Variants in IMMP2L observed in about 807,000 individuals in gnomAD.
The protein encoded by IMMP2L is inner mitochondrial membrane peptidase subunit 2.
In IMMP2L, 18 loss-of-function variants were observed where a neutral mutation model predicts 19.3. The observed-to-expected ratio is 0.93, with a 90% CI of 0.64 to 1.38. The LOEUF is 1.38. Ranked by LOEUF, IMMP2L falls within the 40% of genes most tolerant of loss-of-function variation. The pLI, the probability that IMMP2L is intolerant of heterozygous loss-of-function variation, is 0.00. For synonymous variants in IMMP2L, 76 were observed against 73.0 expected, an observed-to-expected ratio of 1.04 and a Z score of -0.21; for missense variants, 233 against 218.2, an observed-to-expected ratio of 1.07 and a Z score of -0.43.
chr7:111,162,675 A>G (rs779762209), intron 3 of IMMP2L, among the ~76,000 whole-genome samples: 4 of 148,678 alleles, frequency 2.7e-5, no homozygotes, highest in Non-Finnish European at 4.5e-5. Flanking sequence ...GCCAAGCCCC[A>G]TTGTTAGATA....
At chr7:111,474,698 T>C (rs1421004419) in intron 3 of IMMP2L, among the ~76,000 whole-genome samples, 1 of 152,088 alleles carries the variant, frequency 6.6e-6, no homozygotes, top group Non-Finnish European at 1.5e-5. Flanking sequence ...ATTACAAACC[T>C]TTTTTGCCAA....
intron 4 of IMMP2L, among the ~76,000 whole-genome samples, chr7:110,952,469 T>A (rs1817932189): frequency 6.6e-6 from 1 of 152,138 alleles, no homozygotes; most frequent in South Asian, 2.1e-4. Context: ...GTGATCTGCT[T>A]CCTGCTAGGA....
At chr7:111,219,376 A>G (rs2129620258) in intron 3 of IMMP2L, among the ~76,000 whole-genome samples, 1 of 152,116 alleles carries the variant, frequency 6.6e-6, no homozygotes. Flanking sequence ...CTAATAAACC[A>G]GAATCTCTGG....
At chr7:110,944,407 A>C (rs1817027936) in intron 4 of IMMP2L, among the ~76,000 whole-genome samples, 1 of 150,384 alleles carries the variant, frequency 6.6e-6, no homozygotes, top group Non-Finnish European at 1.5e-5. Context: ...GATAAGCATG[A>C]AAGTATTTTT....
intron 5 of IMMP2L, among the ~76,000 whole-genome samples, chr7:110,692,194 T>C (rs1203362412): frequency 6.6e-6 from 1 of 152,168 alleles, no homozygotes; most frequent in African/African-American, 2.4e-5. Flanking sequence ...GCAACTTGGA[T>C]GAAGCTGAAG....
chr7:111,417,149 T>C (rs181027814), intron 3 of IMMP2L, among the ~76,000 whole-genome samples: 5 of 151,884 alleles, frequency 3.3e-5, no homozygotes, highest in Non-Finnish European at 2.9e-5. Context: ...ACCATAAAAC[T>C]CATCATAAAG....
At chr7:110,894,746 C>T (rs951575838) in intron 4 of IMMP2L, among the ~76,000 whole-genome samples, 1 of 151,996 alleles carries the variant, frequency 6.6e-6, no homozygotes, top group African/African-American at 2.4e-5. Flanking sequence ...TTTTAAAATA[C>T]ATGTTTTTCA....
At chr7:111,010,202 T>C (rs960481315) in intron 3 of IMMP2L, among the ~76,000 whole-genome samples, 2 of 152,146 alleles carry the variant, frequency 1.3e-5, no homozygotes, top group African/African-American at 4.8e-5. Context: ...CTTTCTTAGT[T>C]ATATCTCATT....
At chr7:110,715,231 T>G (rs1420613018) in intron 5 of IMMP2L, among the ~76,000 whole-genome samples, 11 of 152,196 alleles carry the variant, frequency 7.2e-5, no homozygotes, top group Admixed American at 6.5e-4. Context: ...CTTTTGGTTT[T>G]GTGAATTCTT....
intron 3 of IMMP2L, among the ~76,000 whole-genome samples, chr7:111,315,233 A>G (rs1286483209): frequency 6.6e-6 from 1 of 152,144 alleles, no homozygotes; most frequent in Non-Finnish European, 1.5e-5. Flanking sequence ...TTTTATTGAT[A>G]TGAAAAATTT....
intron 3 of IMMP2L, among the ~76,000 whole-genome samples, chr7:111,132,849 T>G (rs562960521): frequency 6.6e-6 from 1 of 152,020 alleles, no homozygotes; most frequent in South Asian, 2.1e-4. Flanking sequence ...GGTGGTTCTT[T>G]AAAAGACTTT....
chr7:110,856,379 C>T (rs990226652), intron 5 of IMMP2L, among the ~76,000 whole-genome samples: 4 of 151,982 alleles, frequency 2.6e-5, no homozygotes, highest in African/African-American at 9.7e-5. Context: ...AATAATGCCA[C>T]TGCCAAGATA....
chr7:111,388,951 G>A (rs1381534022), intron 3 of IMMP2L, among the ~76,000 whole-genome samples: 1 of 152,052 alleles, frequency 6.6e-6, no homozygotes, highest in East Asian at 1.9e-4. Context: ...TCCTAGGTTT[G>A]TTCACTGAAA....
At chr7:111,063,284 C>T (rs1302031476) in intron 3 of IMMP2L, among the ~76,000 whole-genome samples, 2 of 152,172 alleles carry the variant, frequency 1.3e-5, no homozygotes, top group African/African-American at 2.4e-5. Flanking sequence ...TGTACCTTGG[C>T]CCCTTTTAGT....
intron 5 of IMMP2L, among the ~76,000 whole-genome samples, chr7:110,863,718 G>A (rs1436877156): frequency 1.3e-5 from 2 of 152,092 alleles, no homozygotes; most frequent in African/African-American, 2.4e-5. Context: ...TAATGTAAAT[G>A]TTCTGAATAC....
chr7:110,810,369 T>A (rs1358449297), intron 5 of IMMP2L, among the ~76,000 whole-genome samples: 1 of 152,062 alleles, frequency 6.6e-6, no homozygotes, highest in East Asian at 1.9e-4. Context: ...ATAGTTATAA[T>A]CAGATAGCAT....
rs533067800 is a variant in IMMP2L, at chr7:110,705,489, G to A, written c.409-41768C>T. ...AACATAATAAAAGATTATATGAAAC[G>A]TCTTGAAATTAATCCAAAGGATGAA... is the stretch of plus-strand genomic sequence containing the variant. On this transcript the variant is annotated intron_variant, in intron 5 of 5. Coordinates refer to ENST00000405709, the MANE Select transcript of IMMP2L (RefSeq NM_032549.4). Among the ~76,000 whole-genome samples the A allele has an allele frequency of 3.3e-4, 50 of 152,152 alleles. 1 individual carries two copies. The highest frequency in any genetic ancestry group is 1.5e-3 in the South Asian group (7 of 4,826).
At chr7:111,501,403 G>C (rs556645280) in intron 2 of IMMP2L, among the ~76,000 whole-genome samples, 1 of 152,118 alleles carries the variant, frequency 6.6e-6, no homozygotes, top group Non-Finnish European at 1.5e-5. Context: ...CACTCTGCAG[G>C]ATATTATCCA....
chr7:111,492,223 TA>T, intron 2 of IMMP2L: 1 of 195,114 alleles, frequency 5.1e-6, no homozygotes, highest in Non-Finnish European at 9.3e-6. Context: ...GGAAAGAATT[TA>T]AAAAAATCAA....
Sources: gnomAD v4.1 joint callset for allele counts (sites outside exome capture counted in the v4.1 genomes callset) on GRCh38, gnomAD v4.1.1 for gene constraint, MANE v1.5 for transcripts, NCBI Gene and HGNC (gene_info 2026-07-23, HGNC 2026-07-21) for gene names.